Variants in USP34 observed in about 807,000 individuals in gnomAD.
The protein encoded by USP34 is ubiquitin specific peptidase 34, also known as ubiquitin carboxyl-terminal hydrolase 34.
In USP34, 70 loss-of-function variants were observed where a neutral mutation model predicts 460.3. The ratio of observed to expected loss-of-function variants is 0.15; its 90% CI spans 0.13 to 0.19. USP34 has a LOEUF of 0.19. Among genes scored for constraint, USP34 ranks in the 10% least tolerant of loss-of-function variants. USP34 has a pLI of 1.00. For synonymous variants in USP34, 1,647 were observed against 1,405.3 expected (o/e 1.17, Z -3.85); for missense variants, 3,985 against 4,236.2 (o/e 0.94, Z 1.65).
intron 1 of USP34, among the ~76,000 whole-genome samples, chr2:61,442,122 CA>C (rs1694983946): frequency 6.6e-6 from 1 of 152,076 alleles, no homozygotes; most frequent in African/African-American, 2.4e-5. Flanking sequence ...ACAATCAACT[CA>C]AAATGGCTCA....
At chr2:61,365,308 AAT>A (rs1491544867) in intron 10 of USP34, among the ~76,000 whole-genome samples, 4 of 122,034 alleles carry the variant, frequency 3.3e-5, no homozygotes, top group Admixed American at 1.6e-4. Flanking sequence ...TTTATTTATA[AAT>A]GTGTGTGTGT....
chr2:61,248,489 G>C (rs1688483670), intron 49 of USP34, 22 bp downstream of exon 49: 1 of 1,528,902 alleles, frequency 6.5e-7, no homozygotes, highest in South Asian at 1.3e-5. Flanking sequence ...TCACAGACAA[G>C]AGAAAGAAAT....
intron 33 of USP34, among the ~76,000 whole-genome samples, chr2:61,292,680 A>C (rs1301338932): frequency 6.6e-6 from 1 of 152,002 alleles, no homozygotes; most frequent in Admixed American, 6.6e-5. Flanking sequence ...CAAAACAAAA[A>C]ACCACAGGAA....
intron 10 of USP34, among the ~76,000 whole-genome samples, chr2:61,366,797 C>T (rs1360331728): frequency 6.6e-6 from 1 of 152,176 alleles, no homozygotes; most frequent in Admixed American, 6.5e-5. Context: ...GCTATAACCC[C>T]TGCACTTTGG....
intron 53 of USP34, among the ~76,000 whole-genome samples, chr2:61,241,233 CAG>C (rs1416854716): frequency 1.3e-5 from 2 of 151,928 alleles, no homozygotes; most frequent in Non-Finnish European, 2.9e-5. Context: ...TTAGGAGAAA[CAG>C]AGTTTCACCA....
rs761866048 is a variant in USP34, at chr2:61,319,166, T to C, written c.3168+7A>G. On this transcript the variant is annotated splice_region_variant and intron_variant, in intron 22 of 79. Coordinates refer to ENST00000398571, the MANE Select transcript of USP34 (RefSeq NM_014709.4). ...AAATAATAACAAACTGAGAGAAATG[T>C]AATTACCTTCTCCAGGAAAAGATGT... 7.7e-6 allele frequency: 12 copies of C among 1,551,812 alleles called. No individual in the cohort carries two copies. The highest frequency in any genetic ancestry group is 1.0e-5 in the Non-Finnish European group (12 of 1,159,164).
Position 61,380,337 on chromosome 2 carries a change from C to G in USP34, c.846G>C (p.Gln282His). ...TACGAGCTGCACTCTGTCGTAACTC[C>G]TGATCCGAGAGCTTGCATAAATACC... is the stretch of plus-strand genomic sequence containing the variant. Reference protein sequence around the residue: ...VIRYLCKLSDQELRQSAARNM... With the variant: ...VIRYLCKLSDHELRQSAARNM... The change falls in exon 7 of 80, where the codon CAG becomes CAC. Residue 282 changes from glutamine to histidine, a missense_variant. Physicochemically the swap from Gln to His is conservative, Grantham distance 24. This residue lies in a region of USP34 where 70 missense variants were observed against 109.5 expected (regional missense o/e 0.64). Transcript: ENST00000398571. The G allele has an allele frequency of 1.2e-6, 2 of 1,609,920 alleles. No homozygotes were observed. Among genetic ancestry groups the G allele is most frequent in the Non-Finnish European group, 1.7e-6 (2 of 1,178,284 alleles).
intron 64 of USP34, 27 bp downstream of exon 64, chr2:61,223,033 T>C (rs1218768281): frequency 1.9e-6 from 3 of 1,579,142 alleles, no homozygotes; most frequent in South Asian, 2.3e-5. Flanking sequence ...TTTCCAAAAA[T>C]CTTTAAGACT....
In USP34 at chr2:61,230,107, A is replaced by G. The variant is rs538431949; in HGVS notation, c.7114-474T>C. Reference sequence around the variant, plus strand: ...GAGAAAAATGCATACCAAAACCACAATAAGATACCACTTCATACCTTCTAG... The same window carrying G: ...GAGAAAAATGCATACCAAAACCACAGTAAGATACCACTTCATACCTTCTAG... On this transcript the variant is annotated intron_variant, in intron 58 of 79. Coordinates refer to ENST00000398571, the MANE Select transcript of USP34 (RefSeq NM_014709.4). 2.0e-5 allele frequency among the ~76,000 whole-genome samples: 3 copies of G among 152,366 alleles called. No homozygotes were observed. The South Asian group carries it at 6.2e-4, about 32-fold the overall frequency.
chr2:61,287,755 G>T (rs893724184), intron 34 of USP34, among the ~76,000 whole-genome samples: 1 of 152,094 alleles, frequency 6.6e-6, no homozygotes, highest in South Asian at 2.1e-4. Flanking sequence ...TTTGTTATTG[G>T]TAAGGCTTCT....
chr2:61,325,512 A>C (rs924598160), intron 20 of USP34, 55 bp from the exon 21 acceptor site: 1 of 1,207,302 alleles, frequency 8.3e-7, no homozygotes, highest in Non-Finnish European at 1.1e-6. Flanking sequence ...AATTACTTTT[A>C]AAAATTTAGT....
rs755394165 is a variant in USP34, at chr2:61,343,806, G to T, written c.2500+9C>A. 4 of 1,611,116 alleles carry T rather than the reference G, an allele frequency of 2.5e-6. No homozygotes were observed. Among genetic ancestry groups the T allele is most frequent in the Non-Finnish European group, 3.4e-6 (4 of 1,177,446 alleles). On this transcript the variant is annotated intron_variant, in intron 16 of 79. Transcript: ENST00000398571. ...AAGGTAATATATTTTACTTACTGTA[G>T]AGTCTTACCTTGACTAAGATGTTCA...
At chr2:61,469,134 G>A (rs1695870614) in intron 1 of USP34, among the ~76,000 whole-genome samples, 1 of 152,070 alleles carries the variant, frequency 6.6e-6, no homozygotes, top group Non-Finnish European at 1.5e-5. Context: ...TTGAACCTGG[G>A]AGGCAGAGTT....
intron 21 of USP34, among the ~76,000 whole-genome samples, chr2:61,320,223 A>G (rs1369770437): frequency 6.6e-6 from 1 of 152,242 alleles, no homozygotes; most frequent in African/African-American, 2.4e-5. Context: ...ATTCCAGTTC[A>G]GGGTTGTGGG....
At chr2:61,362,489 G>A (rs1346236695) in intron 10 of USP34, among the ~76,000 whole-genome samples, 2 of 152,128 alleles carry the variant, frequency 1.3e-5, no homozygotes, top group South Asian at 2.1e-4. Flanking sequence ...TTTTAAAAAG[G>A]AGGAAATCCT....
chr2:61,424,762 C>A (rs888014238), intron 1 of USP34, among the ~76,000 whole-genome samples: 1 of 151,826 alleles, frequency 6.6e-6, no homozygotes, highest in African/African-American at 2.4e-5. Context: ...TTTTTTTTTA[C>A]CACAATTAAA....
intron 1 of USP34, among the ~76,000 whole-genome samples, chr2:61,431,776 C>T (rs1022306585): frequency 6.6e-6 from 1 of 152,082 alleles, no homozygotes; most frequent in African/African-American, 2.4e-5. Flanking sequence ...ATCACTTGAA[C>T]CCGGGAGGCG....
At position 61,406,135 on chromosome 2, in the gene USP34, G is replaced by A. The variant is rs1007349101; in HGVS notation, c.132-7C>T. ...GAAGCAGCATAGACATTGCCTATAA[G>A]AGAAAAAAAATTGAATAAATTAGTA... On this transcript the variant is annotated splice_polypyrimidine_tract_variant and splice_region_variant and intron_variant, in intron 2 of 79. Coordinates refer to ENST00000398571, the MANE Select transcript of USP34 (RefSeq NM_014709.4). 3 of 1,525,004 alleles carry A rather than the reference G, an allele frequency of 2.0e-6. No homozygotes were observed. The highest frequency in any genetic ancestry group is 2.4e-5 in the Admixed American group (1 of 42,368). 94.5% of individuals were successfully genotyped at this position (1,525,004 alleles called of 1,614,324 possible).
intron 44 of USP34, among the ~76,000 whole-genome samples, 161 bp downstream of exon 44, chr2:61,259,550 G>A (rs1688815826): frequency 7.3e-6 from 1 of 136,608 alleles, no homozygotes; most frequent in Non-Finnish European, 1.6e-5. Context: ...ACCATGCCTG[G>A]CTTATTTTTT....
Sources: allele counts gnomAD v4.1 joint callset (sites outside exome capture counted in the v4.1 genomes callset), GRCh38; gene constraint gnomAD v4.1.1; regional missense constraint gnomAD v4.1.1; transcripts MANE v1.5; gene names NCBI Gene and HGNC (gene_info 2026-07-23, HGNC 2026-07-21).